ENPP1: variants seen among roughly 807,000 people sequenced by gnomAD.
ENPP1 encodes the protein ectonucleotide pyrophosphatase/phosphodiesterase family member 1.
ENPP1 carries 73 observed loss-of-function variants against 122.8 expected under a neutral mutation model. That is an observed-to-expected ratio of 0.59 (90% CI 0.49 to 0.72). The LOEUF is 0.72. Among genes scored for constraint, ENPP1 ranks in the 30% least tolerant of loss-of-function variants. The pLI, the probability that ENPP1 is intolerant of heterozygous loss-of-function variation, is 0.00. For missense variants in ENPP1, 978 were observed against 1,128.1 expected (o/e 0.87, Z 1.91); for synonymous variants, 367 against 391.6 (o/e 0.94, Z 0.74).
chr6:131,885,033 G>T lies in ENPP1; in HGVS notation c.2414G>T (p.Gly805Val), dbSNP rs755557694. The part of the protein sequence containing the change: ...SGPVFDFDYD[G>V]RCDSLENLRQ... The stretch of plus-strand genomic sequence containing the variant: ...CCTGTGTTTGACTTTGATTATGATG[G>T]ACGTTGTGATTCCTTAGAGAATCTG... Residue 805 changes from glycine to valine, a missense_variant, in exon 23 of 25, where the codon GGA (glycine) becomes GTA (valine). Gly to Val is a moderately radical substitution (Grantham distance 109). Around this residue, in one of 3 missense-constraint regions of ENPP1, gnomAD observed 644 missense variants for 781.5 expected, o/e 0.82. Transcript: ENST00000647893. The T allele has an allele frequency of 9.3e-6, 15 of 1,613,872 alleles. No individual in the cohort carries two copies. The highest frequency in any genetic ancestry group is 1.2e-5 in the Non-Finnish European group (14 of 1,179,944).
At chr6:131,831,351 T>A (rs1269818849) in intron 1 of ENPP1, among the ~76,000 whole-genome samples, 2 of 152,196 alleles carry the variant, frequency 1.3e-5, no homozygotes, top group Non-Finnish European at 2.9e-5. Flanking sequence ...CATCTTACAT[T>A]AGTAAGGTCC....
chr6:131,823,843 A>C (rs1174193444), intron 1 of ENPP1, among the ~76,000 whole-genome samples: 1 of 151,730 alleles, frequency 6.6e-6, no homozygotes, highest in Non-Finnish European at 1.5e-5. Context: ...AGGTCCCTTA[A>C]CTTCTCTGTG....
chr6:131,855,263 A>G (rs1383939511), intron 6 of ENPP1, among the ~76,000 whole-genome samples: 1 of 152,102 alleles, frequency 6.6e-6, no homozygotes, highest in Non-Finnish European at 1.5e-5. Flanking sequence ...CCATTTTTAT[A>G]TGTATTTATT....
intron 12 of ENPP1, 149 bp downstream of exon 12, chr6:131,868,275 A>C: frequency 1.6e-6 from 1 of 620,944 alleles, no homozygotes; most frequent in Non-Finnish European, 2.8e-6. Context: ...AAATACATTA[A>C]ATATAAAATA....
intron 1 of ENPP1, among the ~76,000 whole-genome samples, chr6:131,811,344 C>G (rs190207372): frequency 7.1e-6 from 1 of 140,156 alleles, no homozygotes; most frequent in East Asian, 2.0e-4. Context: ...TGAAAGAGTT[C>G]TTTAAAAAAA....
Position 131,868,615 on chromosome 6 carries a change from A to T in ENPP1, c.1273+489A>T, listed in dbSNP as rs1782119447. 2.0e-5 allele frequency among the ~76,000 whole-genome samples: 3 copies of T among 152,182 alleles called. No individual in the cohort carries two copies. In the South Asian group the frequency reaches 6.2e-4, roughly 32 times the overall value. On this transcript the variant is annotated intron_variant, in intron 12 of 24. Transcript: ENST00000647893. Reference sequence around the variant, plus strand: ...CCACCACACCTGGCTAATTAAAAAAAATTTTTTTTGGTAGACATGGGATCT... The same window carrying T: ...CCACCACACCTGGCTAATTAAAAAATATTTTTTTTGGTAGACATGGGATCT...
chr6:131,855,827 T>C (rs1781939805), intron 6 of ENPP1, among the ~76,000 whole-genome samples: 1 of 151,950 alleles, frequency 6.6e-6, no homozygotes, highest in African/African-American at 2.4e-5. Flanking sequence ...CATAAAATAG[T>C]ATAATGGTGT....
rs1782357136 is a variant in ENPP1, at chr6:131,884,963, C to T, written c.2344C>T (p.Arg782Ter). 8.1e-6 allele frequency: 13 copies of T among 1,613,822 alleles called. No homozygotes were observed. Among genetic ancestry groups the T allele is most frequent in the Middle Eastern group, 1.6e-4 (1 of 6,084 alleles). Residue 782 changes from arginine (R) to a stop codon, truncating the protein, a stop_gained, in exon 23 of 25, where the codon CGA becomes TGA. Coordinates refer to ENST00000647893, the MANE Select transcript of ENPP1 (RefSeq NM_006208.3). LOFTEE classifies it high-confidence loss of function. ...IWRYFHDTLL[R>*]KYAEERNGVN... is the part of the protein sequence containing the mutation. ...GCGCTACTTTCATGACACCCTACTG[C>T]GAAAGTATGCTGAAGAAAGAAATGG...
intron 20 of ENPP1, among the ~76,000 whole-genome samples, chr6:131,881,958 C>T (rs562049153): frequency 3.3e-5 from 5 of 151,812 alleles, no homozygotes; most frequent in African/African-American, 4.8e-5. Flanking sequence ...GGCAGAGTTG[C>T]GGTGAGCCGA....
At chr6:131,886,504 T>C (rs1444701830) in intron 23 of ENPP1, 58 bp from the exon 24 acceptor site, 1 of 1,283,068 alleles carries the variant, frequency 7.8e-7, no homozygotes, top group Non-Finnish European at 1.1e-6. Context: ...TACTGAAATA[T>C]TCATCAAAAG....
chr6:131,816,975 CAG>C (rs920868166), intron 1 of ENPP1, among the ~76,000 whole-genome samples: 9 of 152,158 alleles, frequency 5.9e-5, no homozygotes, highest in African/African-American at 1.7e-4. Context: ...GTGTTAAAGA[CAG>C]AGATTCCTAG....
chr6:131,890,295 G>T lies in ENPP1; in HGVS notation c.2608-46G>T, dbSNP rs779266958. 3.4e-6 allele frequency: 5 copies of T among 1,468,440 alleles called. No homozygotes were observed. In the African/African-American group the frequency reaches 7.0e-5, roughly 20 times the overall value. The allele number at this position is 1,468,440 out of a possible 1,614,324, so 91.0% of individuals were successfully genotyped here. A position where few individuals can be genotyped will look rare whatever the true frequency, so the allele number is the denominator to read the frequency against. On this transcript the variant is annotated intron_variant, in intron 24 of 24. Transcript: ENST00000647893. Reference sequence around the variant, plus strand: ...GATGGAGCACTTATAGAAGTGAACTGAGTGTTCTCTTGGTAACTTTTCTTT... The same window carrying T: ...GATGGAGCACTTATAGAAGTGAACTTAGTGTTCTCTTGGTAACTTTTCTTT...
chr6:131,877,184 G>A (rs1782241276), intron 18 of ENPP1, 23 bp downstream of exon 18: 1 of 1,609,416 alleles, frequency 6.2e-7, no homozygotes, highest in Admixed American at 1.7e-5. Context: ...AAGAAGTTTG[G>A]TCCAGTATGT....
rs143637835 is a variant in ENPP1, at chr6:131,854,906, T to G, written c.618-20T>G. ...TGTCTTTGCTTCTTTAAACATTTTT[T>G]TTTCTTTTTCATTACCCAGGTTTGA... On this transcript the variant is annotated intron_variant, in intron 5 of 24. Coordinates refer to ENST00000647893, the MANE Select transcript of ENPP1 (RefSeq NM_006208.3). The G allele has an allele frequency of 7.2e-3, 11,226 of 1,558,494 alleles. 143 individuals are homozygous for G. Among genetic ancestry groups the G allele is most frequent in the Middle Eastern group, 0.065 (388 of 5,958 alleles).
In ENPP1 at chr6:131,885,995, A is replaced by G. The variant is rs59349321; in HGVS notation, c.2445-567A>G. ...CTTAAATTTTGAAAGATGTTGAAAA[A>G]ACAAACACAGCCTTAAAATAGGAGA... On this transcript the variant is annotated intron_variant, in intron 23 of 24. Coordinates refer to ENST00000647893, the MANE Select transcript of ENPP1 (RefSeq NM_006208.3). 6.6e-3 allele frequency among the ~76,000 whole-genome samples: 1,011 copies of G among 152,340 alleles called. 12 individuals are homozygous for G. The highest frequency in any genetic ancestry group is 0.022 in the African/African-American group (907 of 41,578).
rs772555000 is a variant in ENPP1 at position 131,893,799 on chromosome 6, GTGAC to G, written c.*3292_*3295del. On this transcript the variant is annotated 3_prime_UTR_variant, in exon 25 of 25. Coordinates refer to ENST00000647893, the MANE Select transcript of ENPP1 (RefSeq NM_006208.3). Reference sequence around the variant, plus strand: ...GTTTTAAACAGATAAGATGGCAAAAGTGACTGATCTCTACTCCCCCAGTTTGAAT... The same window carrying G: ...GTTTTAAACAGATAAGATGGCAAAAGTGATCTCTACTCCCCCAGTTTGAAT... 1 of 152,024 alleles carries G rather than the reference GTGAC, an allele frequency of 6.6e-6. No homozygotes were observed. Among genetic ancestry groups the G allele is most frequent in the African/African-American group, 2.4e-5 (1 of 41,384 alleles). 9.4% of individuals were successfully genotyped at this position (152,024 alleles called of 1,614,324 possible). A position where few individuals can be genotyped will look rare whatever the true frequency, so the allele number is the denominator to read the frequency against.
chr6:131,815,850 G>T (rs550561920), intron 1 of ENPP1, among the ~76,000 whole-genome samples: 1 of 149,994 alleles, frequency 6.7e-6, no homozygotes, highest in Non-Finnish European at 1.5e-5. Context: ...GATTACAGGC[G>T]CACACCACCA....
intron 1 of ENPP1, among the ~76,000 whole-genome samples, chr6:131,834,683 A>G (rs1394265890): frequency 2.0e-5 from 3 of 152,014 alleles, no homozygotes; most frequent in African/African-American, 7.2e-5. Flanking sequence ...GGCGTGTGCC[A>G]CTACGCCCAG....
At chr6:131,832,926 T>G (rs1781632191) in intron 1 of ENPP1, among the ~76,000 whole-genome samples, 1 of 152,260 alleles carries the variant, frequency 6.6e-6, no homozygotes, top group Non-Finnish European at 1.5e-5. Flanking sequence ...GATAGTATTT[T>G]ATGTTGTTTG....
Sources: allele counts gnomAD v4.1 joint callset (sites outside exome capture counted in the v4.1 genomes callset), GRCh38; gene constraint gnomAD v4.1.1; regional missense constraint gnomAD v4.1.1; transcripts MANE v1.5; gene names NCBI Gene and HGNC (gene_info 2026-07-23, HGNC 2026-07-21).